The following AARSD1 variants were observed in gnomAD, a reference collection of about 807,000 sequenced individuals.
The protein encoded by AARSD1 is alanyl-tRNA editing protein Aarsd1.
Under a neutral mutation model 48.7 loss-of-function variants are expected in AARSD1, and 44 were observed. The observed-to-expected ratio is 0.90, with a 90% CI of 0.71 to 1.16. The LOEUF (loss-of-function observed/expected upper bound fraction) is 1.16. Ranked by LOEUF, AARSD1 falls within the 50% of genes most tolerant of loss-of-function variation. AARSD1 has a pLI of 0.00. For synonymous variants in AARSD1, 189 were observed against 194.9 expected, an observed-to-expected ratio of 0.97 and a Z score of 0.25; for missense variants, 511 against 523.1, an observed-to-expected ratio of 0.98 and a Z score of 0.23.
chr17:42,964,422 G>C lies in AARSD1; in HGVS notation c.19C>G (p.Arg7Gly), dbSNP rs746878309. 7.7e-6 allele frequency: 12 copies of C among 1,550,838 alleles called. No homozygotes were observed. Among genetic ancestry groups the C allele is most frequent in the Admixed American group, 2.0e-5 (1 of 51,006 alleles). The stretch of plus-strand genomic sequence containing the variant: ...CGTACCTCTCGGGCATAACTGTCAC[G>C]CTGACACCAGAACGCCATACCTGCA... MAFWCQ[R>G]DSYAREFTTT... is the part of the protein sequence containing the mutation. The change falls in exon 1 of 12, where the codon CGT becomes GGT. Residue 7 changes from arginine to glycine, a missense_variant. By Grantham distance (125) the Arg-to-Gly change is moderately radical (BLOSUM62 -2). Coordinates refer to ENST00000427569, the MANE Select transcript of AARSD1 (RefSeq NM_001261434.2).
At chr17:42,961,451 C>G in intron 2 of AARSD1, 100 bp from the exon 3 acceptor site, 1 of 1,547,756 alleles carries the variant, frequency 6.5e-7, no homozygotes, top group Non-Finnish European at 8.7e-7. Context: ...ATCTGGGCTC[C>G]CTAAGGGAGA....
chr17:42,957,421 A>C (rs1430650799), intron 3 of AARSD1: 1 of 394,084 alleles, frequency 2.5e-6, no homozygotes, highest in Non-Finnish European at 4.5e-6. Flanking sequence ...TAGAGAGATC[A>C]AATAACTTGC....
chr17:42,954,943 G>A lies in AARSD1; in HGVS notation c.886C>T (p.Leu296=). 6.2e-7 allele frequency: 1 copy of A among 1,614,100 alleles called. No homozygotes were observed. Residue 296 remains leucine, a synonymous_variant, in exon 9 of 12, where the codon CTG becomes TTG. Coordinates refer to ENST00000427569, the MANE Select transcript of AARSD1 (RefSeq NM_001261434.2). ...QKNNLNLLRD[L]AVHIAHSLRN... Reference sequence around the variant, plus strand: ...AGGCTATGGGCAATGTGCACAGCCAGGTCTCTGAGCAGATTCAGGTTATTC... The same window carrying A: ...AGGCTATGGGCAATGTGCACAGCCAAGTCTCTGAGCAGATTCAGGTTATTC...
At position 42,954,950 on chromosome 17, in the gene AARSD1, G is replaced by C; in HGVS notation, c.879C>G (p.Leu293=). The C allele has an allele frequency of 3.1e-6, 5 of 1,614,160 alleles. No homozygotes were observed. The highest frequency in any genetic ancestry group is 4.2e-6 in the Non-Finnish European group (5 of 1,180,036). The change falls in exon 9 of 12, where the codon CTC becomes CTG. Residue 293 remains leucine, a synonymous_variant. Coordinates refer to ENST00000427569, the MANE Select transcript of AARSD1 (RefSeq NM_001261434.2). ...KILQKNNLNL[L]RDLAVHIAHS... ...GGGCAATGTGCACAGCCAGGTCTCT[G>C]AGCAGATTCAGGTTATTCTGAAATG...
At position 42,950,851 on chromosome 17, in the gene AARSD1, A is replaced by G. The variant is rs1194725634; in HGVS notation, c.1104-123T>C. Reference sequence around the variant, plus strand: ...TAAGAAGAGTAGATGACTTCTAGGAATCTTTCTTGAAAACACTTGCACATA... The same window carrying G: ...TAAGAAGAGTAGATGACTTCTAGGAGTCTTTCTTGAAAACACTTGCACATA... On this transcript the variant is annotated intron_variant, in intron 11 of 11. Transcript: ENST00000427569. 34 of 1,418,324 alleles carry G rather than the reference A, an allele frequency of 2.4e-5. 1 individual carries two copies. Among genetic ancestry groups the G allele is most frequent in the Non-Finnish European group, 3.1e-5 (34 of 1,080,822 alleles). 87.9% of individuals were successfully genotyped at this position (1,418,324 alleles called of 1,614,324 possible).
At chr17:42,963,520 T>C (rs1311643167) in intron 2 of AARSD1, among the ~76,000 whole-genome samples, 1 of 152,144 alleles carries the variant, frequency 6.6e-6, no homozygotes, top group African/African-American at 2.4e-5. Context: ...CTTGCGCTCA[T>C]GTTGTACCTA....
At chr17:42,956,813 G>A (rs1218821896) in intron 4 of AARSD1, among the ~76,000 whole-genome samples, 6 of 147,858 alleles carry the variant, frequency 4.1e-5, no homozygotes, top group East Asian at 2.0e-4. Context: ...GACTACAGGC[G>A]CCCGCCACCA....
intron 2 of AARSD1, among the ~76,000 whole-genome samples, chr17:42,962,584 C>T (rs1018205928): frequency 1.4e-4 from 22 of 152,152 alleles, no homozygotes; most frequent in Admixed American, 8.5e-4. Context: ...AAAATGAGAC[C>T]TTCTATGGAT....
At position 42,955,138 on chromosome 17, in the gene AARSD1, C is replaced by T. The variant is rs780388537; in HGVS notation, c.861+20G>A. The T allele has an allele frequency of 1.2e-6, 2 of 1,614,142 alleles. No homozygotes were observed. The highest frequency in any genetic ancestry group is 4.5e-5 in the East Asian group (2 of 44,888). ...CTAGGCAGGGCCCATGCCCTCTCTA[C>T]CCTCCATGGAATAAATCACCTTCTG... On this transcript the variant is annotated intron_variant, in intron 8 of 11. Coordinates refer to ENST00000427569, the MANE Select transcript of AARSD1 (RefSeq NM_001261434.2).
At position 42,964,200 on chromosome 17, in the gene AARSD1, A is replaced by C; in HGVS notation, c.77T>G (p.Leu26Arg). 6.2e-7 allele frequency: 1 copy of C among 1,614,206 alleles called. No individual in the cohort carries two copies. The highest frequency in any genetic ancestry group is 8.5e-7 in the Non-Finnish European group (1 of 1,180,038). The change falls in exon 2 of 12, where the codon CTG becomes CGG. Residue 26 changes from leucine (L) to arginine (R), a missense_variant. Leu to Arg is a moderately radical substitution (Grantham distance 102, BLOSUM62 -2). Coordinates refer to ENST00000427569, the MANE Select transcript of AARSD1 (RefSeq NM_001261434.2). ...TTVVSCCPAE[L>R]QTEGSNGKKE... is the part of the protein sequence containing the mutation. ...CTTGCCGTTGCTCCCTTCAGTCTGC[A>C]GCTCCGCGGGACAGCAGGAGACCAC...
chr17:42,953,591 A>C, intron 10 of AARSD1, 133 bp downstream of exon 10: 1 of 1,152,894 alleles, frequency 8.7e-7, no homozygotes, highest in Non-Finnish European at 1.3e-6. Flanking sequence ...CTAAGAAAAC[A>C]GTATTGAATG....
chr17:42,961,240 C>A lies in AARSD1; in HGVS notation c.283G>T (p.Val95Phe). The part of the protein sequence containing the change: ...TPLDPGSQVL[V>F]RVDWERRFDH... Reference sequence around the variant, plus strand: ...AACCTCCGCTCCCAATCTACCCGGACCAGAACCTGGCTTCCTGGATCCAGG... The same window carrying A: ...AACCTCCGCTCCCAATCTACCCGGAACAGAACCTGGCTTCCTGGATCCAGG... Residue 95 changes from valine to phenylalanine, a missense_variant, in exon 3 of 12, where the codon GTC becomes TTC. Physicochemically the swap from Val to Phe is conservative, Grantham distance 50. Coordinates refer to ENST00000427569, the MANE Select transcript of AARSD1 (RefSeq NM_001261434.2). 6.2e-7 allele frequency: 1 copy of A among 1,614,116 alleles called. No homozygotes were observed. The highest frequency in any genetic ancestry group is 8.5e-7 in the Non-Finnish European group (1 of 1,180,024).
intron 2 of AARSD1, 124 bp from the exon 3 acceptor site, chr17:42,961,475 G>T: frequency 7.2e-7 from 1 of 1,390,098 alleles, no homozygotes; most frequent in Non-Finnish European, 9.7e-7. Context: ...AGAAAGCAAT[G>T]CCAAGTGAAA....
chr17:42,960,330 G>A (rs2049617234), intron 3 of AARSD1, among the ~76,000 whole-genome samples: 1 of 152,010 alleles, frequency 6.6e-6, no homozygotes, highest in Admixed American at 6.6e-5. Flanking sequence ...CAGACTGAAT[G>A]TGGGGCAATC....
intron 7 of AARSD1, 200 bp from the exon 8 acceptor site, chr17:42,955,424 A>G (rs369592307): frequency 6.6e-6 from 4 of 605,040 alleles, no homozygotes; most frequent in East Asian, 3.1e-5. Context: ...TTTACTATCC[A>G]AAGCACTTGA....
At chr17:42,952,463 C>T (rs2049492099) in intron 10 of AARSD1, among the ~76,000 whole-genome samples, 1 of 152,166 alleles carries the variant, frequency 6.6e-6, no homozygotes, top group African/African-American at 2.4e-5. Flanking sequence ...GAGAGATACA[C>T]AACGCTTTAC....
rs950226476 is a variant in AARSD1, at chr17:42,953,604, T to C, written c.1008+120A>G. ...TACTAAGAAAACAGTATTGAATGAA[T>C]GGCTATTTCCTCCTCCTCATGTGTT... On this transcript the variant is annotated intron_variant, in intron 10 of 11. Coordinates refer to ENST00000427569, the MANE Select transcript of AARSD1 (RefSeq NM_001261434.2). 3 of 1,296,600 alleles carry C rather than the reference T, an allele frequency of 2.3e-6. No individual in the cohort carries two copies. In the Admixed American group the frequency reaches 5.4e-5, roughly 23 times the overall value. 80.3% of individuals were successfully genotyped at this position (1,296,600 alleles called of 1,614,324 possible).
intron 3 of AARSD1, among the ~76,000 whole-genome samples, chr17:42,958,704 G>A (rs528907145): frequency 2.1e-4 from 31 of 149,332 alleles, no homozygotes; most frequent in African/African-American, 6.3e-4. Flanking sequence ...CCAAGTAGCT[G>A]GGATTACAGG....
At chr17:42,960,533 AC>A (rs1363333733) in intron 3 of AARSD1, among the ~76,000 whole-genome samples, 1 of 150,946 alleles carries the variant, frequency 6.6e-6, no homozygotes, top group African/African-American at 2.4e-5. Flanking sequence ...GACCAGCCTG[AC>A]CAATATGGTG....
Sources: gnomAD v4.1 joint callset for allele counts (sites outside exome capture counted in the v4.1 genomes callset) on GRCh38, gnomAD v4.1.1 for gene constraint, MANE v1.5 for transcripts, NCBI Gene and HGNC (gene_info 2026-07-23, HGNC 2026-07-21) for gene names.